Variants in CTNNA3 observed in about 807,000 individuals in gnomAD.
CTNNA3 encodes the protein catenin alpha 3.
Under a neutral mutation model 95.7 loss-of-function variants are expected in CTNNA3, and 76 were observed. That is an observed-to-expected ratio of 0.79 (90% CI 0.66 to 0.96). The LOEUF (loss-of-function observed/expected upper bound fraction) is 0.96. Among genes scored for constraint, CTNNA3 ranks in the 40% least tolerant of loss-of-function variants. CTNNA3 has a pLI of 0.00. For missense variants in CTNNA3, 1,191 were observed against 1,089.8 expected, an observed-to-expected ratio of 1.09 and a Z score of -1.31; for synonymous variants, 431 against 374.4, an observed-to-expected ratio of 1.15 and a Z score of -1.74.
chr10:66,865,333 A>G (rs1175281807), intron 7 of CTNNA3, among the ~76,000 whole-genome samples: 1 of 151,998 alleles, frequency 6.6e-6, no homozygotes, highest in African/African-American at 2.4e-5. Flanking sequence ...ATACGGTCAG[A>G]GTACGTATTT....
chr10:66,631,251 C>A (rs1845123712), intron 9 of CTNNA3, among the ~76,000 whole-genome samples: 1 of 152,118 alleles, frequency 6.6e-6, no homozygotes, highest in Admixed American at 6.6e-5. Flanking sequence ...CATTTCTAGA[C>A]CTCTTTCCAT....
intron 9 of CTNNA3, among the ~76,000 whole-genome samples, chr10:66,702,909 G>T (rs1404764035): frequency 1.3e-5 from 2 of 152,036 alleles, no homozygotes; most frequent in East Asian, 3.9e-4. Flanking sequence ...TTTCTTCAGT[G>T]TTAACAATGT....
intron 1 of CTNNA3, among the ~76,000 whole-genome samples, chr10:67,750,037 G>A (rs1366632400): frequency 6.6e-6 from 1 of 152,134 alleles, no homozygotes; most frequent in African/African-American, 2.4e-5. Flanking sequence ...AACACTCGCC[G>A]TGAAGGTCCG....
chr10:66,373,577 CTTG>C (rs892360613), intron 12 of CTNNA3, among the ~76,000 whole-genome samples: 29 of 144,214 alleles, frequency 2.0e-4, no homozygotes, highest in Admixed American at 1.9e-3. Context: ...ACAGAAACCT[CTTG>C]TTAATGCTCT....
intron 9 of CTNNA3, among the ~76,000 whole-genome samples, chr10:66,658,226 T>TTCTC (rs10659165): frequency 0.05 from 7,511 of 148,840 alleles, 252 homozygotes; most frequent in Non-Finnish European, 0.071. Flanking sequence ...CTCTCTCTCT[T>TTCTC]TCTCTCTCTC....
rs1438389311 is a variant in CTNNA3, at chr10:67,219,824, G to T, written c.626C>A (p.Ala209Asp). Reference protein sequence around the residue: ...NQRDEIAGARASLKENSPLLH... With the variant: ...NQRDEIAGARDSLKENSPLLH... ...GAGGGGAGAGTTCTCCTTCAGTGAAGCTCGGGCTCCTGCAATTTCATCTCT... is the reference window on the plus strand; with the variant it reads ...GAGGGGAGAGTTCTCCTTCAGTGAATCTCGGGCTCCTGCAATTTCATCTCT... The change falls in exon 6 of 18, where the codon GCT becomes GAT. Residue 209 changes from alanine (A) to aspartate (D), a missense_variant. Ala to Asp is a moderately radical substitution (Grantham distance 126, BLOSUM62 -2). Transcript: ENST00000433211. 1 of 1,613,222 alleles carries T rather than the reference G, an allele frequency of 6.2e-7. No individual in the cohort carries two copies. The highest frequency in any genetic ancestry group is 8.5e-7 in the Non-Finnish European group (1 of 1,179,392).
intron 5 of CTNNA3, among the ~76,000 whole-genome samples, chr10:67,239,164 A>G (rs981240937): frequency 5.9e-5 from 9 of 152,170 alleles, no homozygotes; most frequent in Admixed American, 2.0e-4. Flanking sequence ...ATGATTTGAT[A>G]GTATTTACTG....
rs534646895 is a variant in CTNNA3 at position 66,279,514 on chromosome 10, T to C, written c.1884+956A>G. On this transcript the variant is annotated intron_variant, in intron 13 of 17. Transcript: ENST00000433211. ...CAGGTGACACCTCTGAGGGTAGCTT[T>C]TCACCCAGGATGAATAGGTGGCTAA... 1.4e-4 allele frequency among the ~76,000 whole-genome samples: 22 copies of C among 152,188 alleles called. 1 individual carries two copies. The highest frequency in any genetic ancestry group is 1.4e-3 in the Admixed American group (22 of 15,270).
chr10:66,825,970 A>T (rs79648487), intron 7 of CTNNA3, among the ~76,000 whole-genome samples: 1 of 152,178 alleles, frequency 6.6e-6, no homozygotes, highest in Non-Finnish European at 1.5e-5. Flanking sequence ...TTCAACATGT[A>T]TATATAAAAT....
rs1843576621 is a variant in CTNNA3 at position 66,592,205 on chromosome 10, C to A, written c.1374+29487G>T. On this transcript the variant is annotated intron_variant, in intron 10 of 17. Transcript: ENST00000433211. The stretch of plus-strand genomic sequence containing the variant: ...TTAATAAATTAGATATCTGGTTTTT[C>A]AACAGACCTATACAATAATACTTTT... Among the ~76,000 whole-genome samples the A allele has an allele frequency of 2.0e-5, 3 of 151,754 alleles. No individual in the cohort carries two copies. In the South Asian group the frequency reaches 6.2e-4, roughly 32 times the overall value.
chr10:67,143,009 C>T (rs921136529), intron 7 of CTNNA3, among the ~76,000 whole-genome samples: 8 of 152,038 alleles, frequency 5.3e-5, no homozygotes, highest in African/African-American at 9.7e-5. Context: ...TTGATGGTGG[C>T]GGTTCTTGCC....
chr10:66,827,113 C>G (rs1365950111), intron 7 of CTNNA3, among the ~76,000 whole-genome samples: 3 of 152,206 alleles, frequency 2.0e-5, no homozygotes, highest in Non-Finnish European at 4.4e-5. Context: ...GGCACAGGCT[C>G]CAGCTGCAGG....
intron 7 of CTNNA3, among the ~76,000 whole-genome samples, chr10:66,848,885 AG>A (rs1187116691): frequency 3.3e-5 from 5 of 152,180 alleles, no homozygotes; most frequent in African/African-American, 1.2e-4. Context: ...AATTATTTTC[AG>A]GTTTTCTTTC....
chr10:66,719,291 A>G (rs977796274), intron 9 of CTNNA3, among the ~76,000 whole-genome samples: 3 of 152,212 alleles, frequency 2.0e-5, no homozygotes, highest in Non-Finnish European at 4.4e-5. Context: ...TCGGTGTATC[A>G]ATAGACACAT....
chr10:65,985,969 A>G (rs2078419295), intron 16 of CTNNA3, among the ~76,000 whole-genome samples: 1 of 151,586 alleles, frequency 6.6e-6, no homozygotes, highest in African/African-American at 2.4e-5. Flanking sequence ...CTGTTTTGCT[A>G]TCAAATACTA....
At chr10:66,885,584 T>C (rs1338942925) in intron 7 of CTNNA3, among the ~76,000 whole-genome samples, 2 of 152,130 alleles carry the variant, frequency 1.3e-5, no homozygotes, top group Admixed American at 6.6e-5. Context: ...TAATAGGATA[T>C]ACTACCTTTA....
intron 5 of CTNNA3, among the ~76,000 whole-genome samples, chr10:67,488,868 C>T (rs1276012488): frequency 6.6e-6 from 1 of 151,724 alleles, no homozygotes; most frequent in Non-Finnish European, 1.5e-5. Context: ...CAGGGTTTTG[C>T]CATGTTACCC....
intron 6 of CTNNA3, among the ~76,000 whole-genome samples, chr10:67,190,445 T>A (rs913940479): frequency 6.6e-6 from 1 of 151,930 alleles, no homozygotes; most frequent in Admixed American, 6.6e-5. Context: ...GGGGGGAGGA[T>A]GAGACAAGAA....
intron 10 of CTNNA3, among the ~76,000 whole-genome samples, chr10:66,527,308 C>T (rs1261755553): frequency 6.6e-6 from 1 of 152,022 alleles, no homozygotes; most frequent in African/African-American, 2.4e-5. Flanking sequence ...TTGATTATTG[C>T]AGTTTGTAAT....
Sources: allele counts gnomAD v4.1 joint callset (sites outside exome capture counted in the v4.1 genomes callset), GRCh38; gene constraint gnomAD v4.1.1; transcripts MANE v1.5; gene names NCBI Gene and HGNC (gene_info 2026-07-23, HGNC 2026-07-21).